The following RORA variants were observed in gnomAD, a reference collection of about 807,000 sequenced individuals.
The protein encoded by RORA is RAR related orphan receptor A, also known as nuclear receptor ROR-alpha.
A neutral mutation model predicts 69.5 loss-of-function variants in RORA; 7 were observed. The ratio of observed to expected loss-of-function variants is 0.10; its 90% CI spans 0.06 to 0.19. RORA has a LOEUF of 0.19. RORA is among the 10% of genes least tolerant of loss of function. The pLI, the probability that RORA is intolerant of heterozygous loss-of-function variation, is 1.00. For synonymous variants in RORA, 261 were observed against 240.8 expected, an observed-to-expected ratio of 1.08 and a Z score of -0.78; for missense variants, 457 against 663.0, an observed-to-expected ratio of 0.69 and a Z score of 3.41.
At chr15:61,076,983 G>GCAACA (rs2078460871) in intron 1 of RORA, among the ~76,000 whole-genome samples, 1 of 151,958 alleles carries the variant, frequency 6.6e-6, no homozygotes, top group Admixed American at 6.6e-5. Flanking sequence ...CACACAAGTG[G>GCAACA]GCCGTTGACT....
chr15:61,188,563 T>C (rs1167668620), intron 1 of RORA, among the ~76,000 whole-genome samples: 1 of 152,160 alleles, frequency 6.6e-6, no homozygotes, highest in African/African-American at 2.4e-5. Context: ...GCTGGAACCA[T>C]ATGGGCCACC....
At chr15:61,217,617 A>G (rs1306872057) in intron 1 of RORA, among the ~76,000 whole-genome samples, 2 of 152,158 alleles carry the variant, frequency 1.3e-5, no homozygotes, top group African/African-American at 4.8e-5. Context: ...CCACTCAAAT[A>G]TAAGATCCAG....
chr15:60,944,548 C>T (rs1286221241), intron 1 of RORA, among the ~76,000 whole-genome samples: 1 of 152,086 alleles, frequency 6.6e-6, no homozygotes, highest in Non-Finnish European at 1.5e-5. Context: ...GAAACCCCAT[C>T]TCTACCACAA....
chr15:60,888,495 AACACACACATGCAC>A (rs1452128023), intron 1 of RORA, among the ~76,000 whole-genome samples: 2 of 152,130 alleles, frequency 1.3e-5, no homozygotes, highest in Non-Finnish European at 2.9e-5. Flanking sequence ...TACACATGCA[AACACACACATGCAC>A]ACACACTCAC....
chr15:61,227,994 G>A (rs2080163554), intron 1 of RORA, among the ~76,000 whole-genome samples: 1 of 152,076 alleles, frequency 6.6e-6, no homozygotes, highest in African/African-American at 2.4e-5. Flanking sequence ...GCTCACTTTA[G>A]GAAAGGAGGG....
At chr15:60,941,794 C>G (rs1238786757) in intron 1 of RORA, among the ~76,000 whole-genome samples, 1 of 152,212 alleles carries the variant, frequency 6.6e-6, no homozygotes, top group Non-Finnish European at 1.5e-5. Context: ...TCTTTTTCAT[C>G]TCTTCAAAGA....
At chr15:60,710,636 A>G (rs935173320) in intron 1 of RORA, among the ~76,000 whole-genome samples, 10 of 152,218 alleles carry the variant, frequency 6.6e-5, no homozygotes, top group Non-Finnish European at 1.5e-4. Flanking sequence ...GAGCTCTGTG[A>G]TGAGAAGTTG....
chr15:60,696,374 G>GA (rs34583179), intron 1 of RORA, among the ~76,000 whole-genome samples: 15 of 147,234 alleles, frequency 1.0e-4, no homozygotes, highest in East Asian at 5.9e-4. Flanking sequence ...CTGATTTACA[G>GA]AAAAAAAAAA....
intron 3 of RORA, among the ~76,000 whole-genome samples, chr15:60,521,141 A>G (rs1020128164): frequency 6.6e-6 from 1 of 152,148 alleles, no homozygotes; most frequent in African/African-American, 2.4e-5. Flanking sequence ...TCAAACCAGA[A>G]CTATATATCA....
intron 2 of RORA, among the ~76,000 whole-genome samples, chr15:60,595,899 C>T (rs1224490797): frequency 9.9e-5 from 15 of 152,152 alleles, no homozygotes; most frequent in Admixed American, 9.8e-4. Context: ...CGTGGTGTTC[C>T]TGTGTGCTGG....
intron 1 of RORA, among the ~76,000 whole-genome samples, chr15:60,796,291 A>G (rs994241354): frequency 2.6e-5 from 4 of 152,060 alleles, no homozygotes; most frequent in African/African-American, 7.2e-5. Context: ...CTCTCCAGGC[A>G]CTCACCCTTT....
At chr15:60,557,559 A>G (rs2067404815) in intron 2 of RORA, among the ~76,000 whole-genome samples, 1 of 152,236 alleles carries the variant, frequency 6.6e-6, no homozygotes, top group Admixed American at 6.5e-5. Flanking sequence ...TGGAGGCATT[A>G]TAAACATAGG....
At chr15:60,514,466 G>A in intron 4 of RORA, 150 bp downstream of exon 4, 1 of 721,892 alleles carries the variant, frequency 1.4e-6, no homozygotes, top group Non-Finnish European at 2.3e-6. Context: ...TGAGTTCCAT[G>A]TAGCTGCCAG....
intron 1 of RORA, among the ~76,000 whole-genome samples, chr15:61,116,479 C>A (rs924724508): frequency 2.6e-5 from 4 of 152,168 alleles, no homozygotes; most frequent in Admixed American, 1.3e-4. Context: ...CACCTATCAC[C>A]GGATACCCCA....
intron 1 of RORA, among the ~76,000 whole-genome samples, chr15:60,707,213 C>A (rs1051904940): frequency 6.6e-6 from 1 of 151,992 alleles, no homozygotes; most frequent in Non-Finnish European, 1.5e-5. Flanking sequence ...CTGGCTGTTG[C>A]GAAGAGAAGA....
intron 1 of RORA, among the ~76,000 whole-genome samples, chr15:60,873,579 C>T (rs1054479890): frequency 6.6e-6 from 1 of 152,098 alleles, no homozygotes; most frequent in Non-Finnish European, 1.5e-5. Context: ...AGAATGACAA[C>T]ATTTTATGAC....
At chr15:60,941,532 A>C (rs553342426) in intron 1 of RORA, among the ~76,000 whole-genome samples, 1 of 152,242 alleles carries the variant, frequency 6.6e-6, no homozygotes, top group African/African-American at 2.4e-5. Flanking sequence ...GGCCCTCCCA[A>C]TGAGACAGCC....
At chr15:60,543,350 G>A (rs1269693849) in intron 2 of RORA, among the ~76,000 whole-genome samples, 2 of 151,994 alleles carry the variant, frequency 1.3e-5, no homozygotes, top group African/African-American at 2.4e-5. Flanking sequence ...TAATCTCTCT[G>A]TGCCTCAGTT....
At chr15:60,911,401 T>C (rs1891711857) in intron 1 of RORA, among the ~76,000 whole-genome samples, 1 of 152,170 alleles carries the variant, frequency 6.6e-6, no homozygotes, top group African/African-American at 2.4e-5. Flanking sequence ...TCAACCCAAT[T>C]TTCTGTCATA....
Sources: gnomAD v4.1 joint callset for allele counts (sites outside exome capture counted in the v4.1 genomes callset) on GRCh38, gnomAD v4.1.1 for gene constraint, MANE v1.5 for transcripts, NCBI Gene and HGNC (gene_info 2026-07-23, HGNC 2026-07-21) for gene names.